Variants in DPP6 observed in about 807,000 individuals in gnomAD.
DPP6 encodes the protein A-type potassium channel modulatory protein DPP6.
DPP6 carries 69 observed loss-of-function variants against 122.6 expected under a neutral mutation model. That is an observed-to-expected ratio of 0.56 (90% confidence interval 0.46 to 0.69). The LOEUF is 0.69. DPP6 is among the 30% of genes least tolerant of loss of function. The probability of loss-of-function intolerance (pLI) is 0.00; values close to 1 mark genes in which losing one functional copy is unlikely to be tolerated. For missense variants in DPP6, 928 were observed against 1,116.9 expected, an observed-to-expected ratio of 0.83 and a Z score of 2.41; for synonymous variants, 418 against 433.1, an observed-to-expected ratio of 0.97 and a Z score of 0.43.
At chr7:154,466,952 C>G (rs1821840041) in intron 2 of DPP6, among the ~76,000 whole-genome samples, 1 of 152,152 alleles carries the variant, frequency 6.6e-6, no homozygotes, top group African/African-American at 2.4e-5. Context: ...TTGAGTAGGC[C>G]TCAGGGCATA....
In DPP6 at chr7:154,007,766, G is replaced by A. The variant is rs2533541; in HGVS notation, c.51+120032G>A. Among the ~76,000 whole-genome samples the A allele has an allele frequency of 4.0e-3, 607 of 151,066 alleles. 7 individuals carry two copies. Among genetic ancestry groups the A allele is most frequent in the African/African-American group, 0.013 (523 of 40,536 alleles). On this transcript the variant is annotated intron_variant, in intron 1 of 25. Transcript: ENST00000404039. The stretch of plus-strand genomic sequence containing the variant: ...TGCAGGGCCTGCTGCAGGAATTGGT[G>A]TCCACAGGGGGTTCTGGAGCCAATT...
chr7:154,449,001 T>C (rs552236976), intron 2 of DPP6, among the ~76,000 whole-genome samples: 46 of 152,342 alleles, frequency 3.0e-4, no homozygotes, highest in African/African-American at 7.7e-4. Flanking sequence ...CTTTGTGACT[T>C]TGAATTAGGC....
intron 1 of DPP6, among the ~76,000 whole-genome samples, chr7:154,154,336 C>A (rs1796577137): frequency 6.6e-6 from 1 of 152,326 alleles, no homozygotes; most frequent in African/African-American, 2.4e-5. Context: ...GGGTGCTAAC[C>A]TTTTGTGTGT....
chr7:154,557,647 T>C (rs905713971), intron 4 of DPP6, among the ~76,000 whole-genome samples: 26 of 151,872 alleles, frequency 1.7e-4, no homozygotes, highest in African/African-American at 6.3e-4. Flanking sequence ...GGATAAAATG[T>C]GGAGAGAAAA....
intron 1 of DPP6, among the ~76,000 whole-genome samples, chr7:153,954,287 G>T (rs574996482): frequency 5.4e-4 from 82 of 152,332 alleles, no homozygotes; most frequent in African/African-American, 1.9e-3. Flanking sequence ...AGTAAACTCT[G>T]ACCAAAGATG....
chr7:154,178,553 T>C (rs2150742312), intron 1 of DPP6, among the ~76,000 whole-genome samples: 1 of 152,068 alleles, frequency 6.6e-6, no homozygotes, highest in East Asian at 1.9e-4. Context: ...GGATCCCTCT[T>C]TGAGTGCTCT....
Position 154,624,782 on chromosome 7 carries a change from C to T in DPP6, c.628-13039C>T, listed in dbSNP as rs1048048612. ...TCTGCACCATGTCAGGGACCCCACC[C>T]CAGGATTCTTACCAGTAGTGATGGG... On this transcript the variant is annotated intron_variant, in intron 5 of 25. Coordinates refer to ENST00000377770, the MANE Select transcript of DPP6 (RefSeq NM_130797.4). This position sits in a 1 kb window ranked among gnomAD's most constrained non-coding sequence, Gnocchi z 4.7. 1.3e-5 allele frequency among the ~76,000 whole-genome samples: 2 copies of T among 152,200 alleles called. No individual in the cohort carries two copies. Among genetic ancestry groups the T allele is most frequent in the African/African-American group, 4.8e-5 (2 of 41,462 alleles).
chr7:153,887,711 G>A lies in DPP6; in HGVS notation c.28G>A (p.Ala10Thr), dbSNP rs1584983816. ...GAAGGAAAAGGCCATGATCAAGACC[G>A]CTAAGATGCAGGGGAACGTGATGGT... The change falls in exon 1 of 26, where the codon GCT becomes ACT. Residue 10 changes from alanine to threonine, a missense_variant. Transcript: ENST00000404039. 2 of 1,613,872 alleles carry A rather than the reference G, an allele frequency of 1.2e-6. No homozygotes were observed. The highest frequency in any genetic ancestry group is 1.7e-6 in the Non-Finnish European group (2 of 1,179,830).
chr7:154,768,414 G>A (rs1385852674), intron 8 of DPP6, among the ~76,000 whole-genome samples: 1 of 152,230 alleles, frequency 6.6e-6, no homozygotes, highest in Admixed American at 6.5e-5. Context: ...ACATAGAGCA[G>A]ATTTATGGTA....
At chr7:154,060,246 T>A (rs1439960143) in intron 1 of DPP6, among the ~76,000 whole-genome samples, 33 of 99,098 alleles carry the variant, frequency 3.3e-4, no homozygotes, top group African/African-American at 1.2e-3. Flanking sequence ...TCCCCATCGC[T>A]GGGGGCGGAG....
intron 1 of DPP6, among the ~76,000 whole-genome samples, chr7:154,257,203 G>T (rs1257068097): frequency 6.6e-6 from 1 of 151,750 alleles, no homozygotes; most frequent in Admixed American, 6.6e-5. Context: ...TGCCCAGGCT[G>T]GTCTCGTGCT....
At chr7:154,158,777 C>T (rs1400248899) in intron 1 of DPP6, among the ~76,000 whole-genome samples, 2 of 152,002 alleles carry the variant, frequency 1.3e-5, no homozygotes, top group Non-Finnish European at 2.9e-5. Context: ...GAGGACTCTC[C>T]TATTTGATGG....
chr7:154,008,189 G>T (rs1380045033), intron 1 of DPP6, among the ~76,000 whole-genome samples: 1 of 152,142 alleles, frequency 6.6e-6, no homozygotes, highest in African/African-American at 2.4e-5. Context: ...TGATAAAACA[G>T]ATTCAGAGAA....
chr7:154,837,018 A>G (rs1045669040), intron 16 of DPP6, among the ~76,000 whole-genome samples: 1 of 152,166 alleles, frequency 6.6e-6, no homozygotes, highest in African/African-American at 2.4e-5. Context: ...GAATTTTAGT[A>G]ATGAGTCCTG....
chr7:154,586,803 T>A (rs1409341898), intron 5 of DPP6, among the ~76,000 whole-genome samples: 1 of 152,154 alleles, frequency 6.6e-6, no homozygotes, highest in Middle Eastern at 3.2e-3. Context: ...TCCAGAAATT[T>A]AACTTCAGTC....
chr7:153,982,992 G>A (rs1796668828), intron 1 of DPP6, among the ~76,000 whole-genome samples: 1 of 152,334 alleles, frequency 6.6e-6, no homozygotes, highest in African/African-American at 2.4e-5. Context: ...ACCTCTGCTG[G>A]GAGGTGTCTC....
intron 5 of DPP6, among the ~76,000 whole-genome samples, chr7:154,625,791 G>C (rs1386560248): frequency 6.6e-6 from 1 of 152,196 alleles, no homozygotes; most frequent in Non-Finnish European, 1.5e-5. Flanking sequence ...TTCCCCCTCT[G>C]TTGCCTCTTT....
At chr7:154,494,418 A>ATT (rs1280802715) in intron 3 of DPP6, among the ~76,000 whole-genome samples, 1 of 148,680 alleles carries the variant, frequency 6.7e-6, no homozygotes, top group Non-Finnish European at 1.5e-5. Context: ...GATAACATAT[A>ATT]TTTATATATA....
chr7:154,756,385 A>G (rs1222791508), intron 8 of DPP6, among the ~76,000 whole-genome samples: 1 of 151,932 alleles, frequency 6.6e-6, no homozygotes, highest in Admixed American at 6.5e-5. Flanking sequence ...CCCCATGGTC[A>G]TAATCAATGT....
Sources: gnomAD v4.1 joint callset for allele counts (sites outside exome capture counted in the v4.1 genomes callset) on GRCh38, gnomAD v4.1.1 for gene constraint, Gnocchi (gnomAD v3.1) non-coding constraint, MANE v1.5 for transcripts, NCBI Gene and HGNC (gene_info 2026-07-23, HGNC 2026-07-21) for gene names.